ZFAT: variants seen among roughly 807,000 people sequenced by gnomAD.
ZFAT encodes the protein zinc finger and AT-hook domain containing.
ZFAT carries 64 observed loss-of-function variants against 117.7 expected under a neutral mutation model. The ratio of observed to expected loss-of-function variants is 0.54; its 90% CI spans 0.44 to 0.67. ZFAT has a LOEUF of 0.67. Ranked by LOEUF, ZFAT falls within the 30% of genes least tolerant of loss-of-function variation. The pLI, the probability that ZFAT is intolerant of heterozygous loss-of-function variation, is 0.00. For synonymous variants in ZFAT, 679 were observed against 615.0 expected (o/e 1.10, Z -1.54); for missense variants, 1,433 against 1,584.5 (o/e 0.90, Z 1.62).
At chr8:134,561,748 T>C (rs1223201960) in intron 11 of ZFAT, among the ~76,000 whole-genome samples, 1 of 152,222 alleles carries the variant, frequency 6.6e-6, no homozygotes, top group East Asian at 1.9e-4. Context: ...TGTTGAGCTC[T>C]AATCTAAGAT....
chr8:134,544,292 G>A (rs958458463), intron 11 of ZFAT, among the ~76,000 whole-genome samples: 1 of 152,178 alleles, frequency 6.6e-6, no homozygotes, highest in Non-Finnish European at 1.5e-5. Context: ...AGCCAGTGCA[G>A]TGCCCAGCAC....
chr8:134,492,645 A>G (rs1423138799), intron 15 of ZFAT, among the ~76,000 whole-genome samples: 1 of 152,228 alleles, frequency 6.6e-6, no homozygotes, highest in East Asian at 1.9e-4. Flanking sequence ...GGACCATTTT[A>G]CAAGGTTAAC....
At chr8:134,620,424 C>T in intron 3 of ZFAT, among the ~76,000 whole-genome samples, 1 of 152,192 alleles carries the variant, frequency 6.6e-6, no homozygotes, top group Non-Finnish European at 1.5e-5. Context: ...CCGGGTGCAA[C>T]AGGCTGCTGC....
At chr8:134,585,845 G>A (rs1195602307) in intron 9 of ZFAT, among the ~76,000 whole-genome samples, 1 of 152,194 alleles carries the variant, frequency 6.6e-6, no homozygotes. Context: ...TCCATTGCTT[G>A]ACTATTAGGA....
At chr8:134,547,657 G>A (rs1822798991) in intron 11 of ZFAT, among the ~76,000 whole-genome samples, 1 of 152,216 alleles carries the variant, frequency 6.6e-6, no homozygotes, top group Admixed American at 6.5e-5. Context: ...TCTCCACTGA[G>A]GCTTCTTGAA....
chr8:134,792,792 G>A, the ZFAT span: 5 of 152,066 alleles, frequency 3.3e-5, no homozygotes, highest in African/African-American at 1.2e-4. Flanking sequence ...ATAAACCCAA[G>A]GTTTTTGATT....
rs1285878337 is a variant in ZFAT at position 134,638,593 on chromosome 8, G to T, written c.197-881C>A. ...AAAAAAAAAACATTAACCAGGCGTG[G>T]TGGCGGGCACCTGTAGTCCCAGCTA... is the stretch of plus-strand genomic sequence containing the variant. On this transcript the variant is annotated intron_variant, in intron 2 of 15. Transcript: ENST00000377838. 5.3e-5 allele frequency among the ~76,000 whole-genome samples: 8 copies of T among 150,304 alleles called. 1 individual carries two copies. The South Asian group carries it at 8.4e-4, about 16-fold the overall frequency.
chr8:134,817,396 C>T, the ZFAT span, among the ~76,000 whole-genome samples: 195 of 24,772 alleles, frequency 7.9e-3, no homozygotes, highest in African/African-American at 0.031. Context: ...TCTCTCTCTA[C>T]ACACACACAC....
the ZFAT span, among the ~76,000 whole-genome samples, chr8:134,749,470 G>C: frequency 6.6e-6 from 1 of 151,976 alleles, no homozygotes; most frequent in East Asian, 1.9e-4. Flanking sequence ...GAAGGGGCAA[G>C]GGAGCTCAAG....
intron 11 of ZFAT, among the ~76,000 whole-genome samples, chr8:134,537,775 G>C (rs1287359744): frequency 6.6e-6 from 1 of 152,190 alleles, no homozygotes; most frequent in Non-Finnish European, 1.5e-5. Flanking sequence ...CTAAAATGAG[G>C]CAGGGGAATA....
chr8:134,487,676 C>T (rs1817748008), intron 15 of ZFAT, among the ~76,000 whole-genome samples: 2 of 152,216 alleles, frequency 1.3e-5, no homozygotes, highest in South Asian at 4.1e-4. Context: ...GAACTTCCAG[C>T]TGTGCTGGTC....
At chr8:134,788,688 G>T in the ZFAT span, among the ~76,000 whole-genome samples, 1 of 152,050 alleles carries the variant, frequency 6.6e-6, no homozygotes. Flanking sequence ...CTCCAGCTAT[G>T]GTTAGACACT....
At chr8:134,810,600 T>A in the ZFAT span, among the ~76,000 whole-genome samples, 2 of 152,218 alleles carry the variant, frequency 1.3e-5, no homozygotes, top group East Asian at 3.8e-4. Flanking sequence ...CAAATCCTTG[T>A]CCTTCCACTT....
intron 11 of ZFAT, among the ~76,000 whole-genome samples, chr8:134,547,009 C>G (rs2130669072): frequency 6.6e-6 from 1 of 152,264 alleles, no homozygotes; most frequent in South Asian, 2.1e-4. Context: ...GAGGGGACCC[C>G]AAATTCACAA....
upstream of ZFAT, chr8:134,713,189 C>T (rs1407345801): frequency 2.0e-5 from 5 of 244,320 alleles, no homozygotes; most frequent in Non-Finnish European, 3.9e-5. Flanking sequence ...TCACGGATTC[C>T]GCTGCGCCGC....
At chr8:134,751,433 A>G in the ZFAT span, among the ~76,000 whole-genome samples, 1 of 152,172 alleles carries the variant, frequency 6.6e-6, no homozygotes. Context: ...GGAGGAAGAG[A>G]ATTGACAGGA....
Position 134,657,730 on chromosome 8 carries a change from C to G in ZFAT, c.27G>C (p.Thr9=). 2.5e-6 allele frequency: 4 copies of G among 1,606,220 alleles called. No homozygotes were observed. In the South Asian group the frequency reaches 4.5e-5, roughly 18 times the overall value. Residue 9 remains threonine, a synonymous_variant, in exon 2 of 16, where the codon ACG becomes ACC. Coordinates refer to ENST00000377838, the MANE Select transcript of ZFAT (RefSeq NM_020863.4). ...TACAACATTTACACATAAAGATGGC[C>G]GTGTTTTCTGTAAGGAAAAAAAAGG... METRAAEN[T]AIFMCKCCNL...
Position 134,557,782 on chromosome 8 carries a change from T to C in ZFAT, c.2976+7551A>G, listed in dbSNP as rs1823759207. Among the ~76,000 whole-genome samples the C allele has an allele frequency of 2.0e-5, 3 of 152,224 alleles. No individual in the cohort carries two copies. The South Asian group carries it at 6.2e-4, about 32-fold the overall frequency. The stretch of plus-strand genomic sequence containing the variant: ...TGTTGATAATTACACTATATGTAAA[T>C]GGACTATGCACTCCAATTAAAGGGC... On this transcript the variant is annotated intron_variant, in intron 11 of 15. Coordinates refer to ENST00000377838, the MANE Select transcript of ZFAT (RefSeq NM_020863.4).
At chr8:134,823,700 C>T in the ZFAT span, among the ~76,000 whole-genome samples, 4 of 152,068 alleles carry the variant, frequency 2.6e-5, no homozygotes, top group African/African-American at 4.8e-5. Context: ...CAGCTTTAAT[C>T]GCATATGAAA....
Sources: allele counts gnomAD v4.1 joint callset (sites outside exome capture counted in the v4.1 genomes callset), GRCh38; gene constraint gnomAD v4.1.1; transcripts MANE v1.5; gene names NCBI Gene and HGNC (gene_info 2026-07-23, HGNC 2026-07-21).